The following ADD3 variants were observed in gnomAD, a reference collection of about 807,000 sequenced individuals.
ADD3 encodes adducin 3.
Under a neutral mutation model 80.2 loss-of-function variants are expected in ADD3, and 25 were observed. That is an observed-to-expected ratio of 0.31 (90% CI 0.23 to 0.44). The LOEUF (loss-of-function observed/expected upper bound fraction) is 0.44, where lower values mean the gene tolerates loss of function less well. Ranked by LOEUF, ADD3 falls within the 20% of genes least tolerant of loss-of-function variation. ADD3 has a pLI of 1.00. For synonymous variants in ADD3, 284 were observed against 289.6 expected, an observed-to-expected ratio of 0.98 and a Z score of 0.20; for missense variants, 829 against 847.5, an observed-to-expected ratio of 0.98 and a Z score of 0.27.
chr10:110,036,263 G>A (rs972539070), intron 1 of ADD3, among the ~76,000 whole-genome samples: 1 of 151,834 alleles, frequency 6.6e-6, no homozygotes, highest in African/African-American at 2.4e-5. Flanking sequence ...TTACCATGGA[G>A]TCCAGTTTCA....
In ADD3 at chr10:110,123,870, A is replaced by C. The variant is rs1851817761; in HGVS notation, c.1144-147A>C. 5 of 769,206 alleles carry C rather than the reference A, an allele frequency of 6.5e-6. No individual in the cohort carries two copies. In the East Asian group the frequency reaches 1.3e-4, roughly 20 times the overall value. 47.6% of individuals were successfully genotyped at this position (769,206 alleles called of 1,614,324 possible). A position where few individuals can be genotyped will look rare whatever the true frequency, so the allele number is the denominator to read the frequency against. ...TAATTTCAGCTCCAGTGTTACATGA[A>C]AGTTATGTGGTGTTTGGAAGGATGC... On this transcript the variant is annotated intron_variant, in intron 9 of 14. Transcript: ENST00000356080.
At chr10:110,068,361 A>G (rs1251411495) in intron 1 of ADD3, among the ~76,000 whole-genome samples, 1 of 152,214 alleles carries the variant, frequency 6.6e-6, no homozygotes, top group Non-Finnish European at 1.5e-5. Context: ...TCGCATTCTC[A>G]GATTCAACCA....
chr10:110,126,443 G>A lies in ADD3; in HGVS notation c.1548G>A (p.Leu516=). The stretch of plus-strand genomic sequence containing the variant: ...TTCGGGAACAAAATCGATATGACTT[G>A]AAAACAGCAGGACCACAATCTCAGT... ...NKIREQNRYD[L]KTAGPQSQLL... The change falls in exon 12 of 15, where the codon TTG becomes TTA. Residue 516 remains leucine (L), a synonymous_variant. Transcript: ENST00000356080. The A allele has an allele frequency of 6.2e-7, 1 of 1,613,630 alleles. No individual in the cohort carries two copies. The highest frequency in any genetic ancestry group is 8.5e-7 in the Non-Finnish European group (1 of 1,179,918).
chr10:110,045,830 G>A (rs1419914685), intron 1 of ADD3, among the ~76,000 whole-genome samples: 4 of 152,112 alleles, frequency 2.6e-5, no homozygotes, highest in Admixed American at 6.5e-5. Flanking sequence ...ATTAACTCTC[G>A]TACATACTGT....
chr10:110,027,793 AAC>A (rs1854490911), intron 1 of ADD3, among the ~76,000 whole-genome samples: 1 of 152,240 alleles, frequency 6.6e-6, no homozygotes, highest in Non-Finnish European at 1.5e-5. Context: ...AGAGAAAAAA[AAC>A]ACATTAAACC....
At chr10:110,007,658 CCT>C (rs1851763503), upstream of ADD3, among the ~76,000 whole-genome samples, 1 of 152,184 alleles carries the variant, frequency 6.6e-6, no homozygotes, top group Admixed American at 6.5e-5. Context: ...CGAACCAGGC[CCT>C]CCCGGCTGCC....
chr10:110,131,598 C>T (rs1325477894), intron 13 of ADD3, among the ~76,000 whole-genome samples: 1 of 152,198 alleles, frequency 6.6e-6, no homozygotes, highest in Non-Finnish European at 1.5e-5. Flanking sequence ...ATCCAAGGAA[C>T]AGTTTTTTGT....
intron 5 of ADD3, 39 bp from the exon 6 acceptor site, chr10:110,118,548 G>A (rs200640484): frequency 4.9e-5 from 77 of 1,575,364 alleles, no homozygotes; most frequent in Admixed American, 1.3e-4. Flanking sequence ...ACTTTGATAC[G>A]TATATACCAG....
intron 1 of ADD3, among the ~76,000 whole-genome samples, chr10:110,069,479 A>G (rs962638927): frequency 6.6e-6 from 1 of 152,094 alleles, no homozygotes; most frequent in Non-Finnish European, 1.5e-5. Flanking sequence ...TCATATATCA[A>G]CAGCTTTCTG....
At chr10:110,069,656 A>G (rs1039163662) in intron 1 of ADD3, among the ~76,000 whole-genome samples, 1 of 152,068 alleles carries the variant, frequency 6.6e-6, no homozygotes, top group African/African-American at 2.4e-5. Context: ...CACCTTGACC[A>G]TGAAATTTGT....
chr10:110,130,675 G>A (rs1227434305), intron 13 of ADD3, among the ~76,000 whole-genome samples, 189 bp downstream of exon 13: 4 of 152,124 alleles, frequency 2.6e-5, no homozygotes, highest in African/African-American at 9.7e-5. Flanking sequence ...GGCCAACATG[G>A]TGAAACCCCG....
At chr10:110,100,894 G>A (rs1261485177) in intron 2 of ADD3, 46 bp downstream of exon 2, 2 of 1,512,476 alleles carry the variant, frequency 1.3e-6, no homozygotes, top group African/African-American at 1.4e-5. Flanking sequence ...CTTTGGAAAT[G>A]TTAGTATAAT....
At chr10:110,029,203 T>C (rs1854691503) in intron 1 of ADD3, among the ~76,000 whole-genome samples, 1 of 152,306 alleles carries the variant, frequency 6.6e-6, no homozygotes, top group African/African-American at 2.4e-5. Context: ...TCAAAAGTTT[T>C]ATCACAGTAG....
chr10:110,068,405 G>A (rs1048112540), intron 1 of ADD3, among the ~76,000 whole-genome samples: 1 of 152,128 alleles, frequency 6.6e-6, no homozygotes, highest in Admixed American at 6.5e-5. Context: ...TAAAAATACA[G>A]AATAACTACT....
At chr10:110,045,968 A>G (rs911050645) in intron 1 of ADD3, among the ~76,000 whole-genome samples, 1 of 152,206 alleles carries the variant, frequency 6.6e-6, no homozygotes, top group African/African-American at 2.4e-5. Context: ...TAAATTGTGT[A>G]TTTCAGTAAA....
chr10:110,042,329 G>A (rs760800012), intron 1 of ADD3, among the ~76,000 whole-genome samples: 9 of 152,204 alleles, frequency 5.9e-5, no homozygotes, highest in Admixed American at 1.3e-4. Context: ...GGGTGTCAGC[G>A]AAGGCAGTGG....
intron 1 of ADD3, among the ~76,000 whole-genome samples, chr10:110,021,728 C>T (rs755387510): frequency 1.3e-5 from 2 of 151,962 alleles, no homozygotes; most frequent in Non-Finnish European, 2.9e-5. Flanking sequence ...GGAGTGGCAG[C>T]TTAATGGGTA....
intron 1 of ADD3, among the ~76,000 whole-genome samples, chr10:110,020,131 G>A (rs2133073402): frequency 6.6e-6 from 1 of 152,234 alleles, no homozygotes; most frequent in East Asian, 1.9e-4. Context: ...TTTGTGACCT[G>A]TTTAGCCCTT....
chr10:110,081,667 G>A (rs751690942), intron 1 of ADD3, among the ~76,000 whole-genome samples: 2 of 152,092 alleles, frequency 1.3e-5, no homozygotes, highest in South Asian at 2.1e-4. Flanking sequence ...CTACTAAAAC[G>A]TATCTGATGT....
Sources: gnomAD v4.1 joint callset for allele counts (sites outside exome capture counted in the v4.1 genomes callset) on GRCh38, gnomAD v4.1.1 for gene constraint, MANE v1.5 for transcripts, NCBI Gene and HGNC (gene_info 2026-07-23, HGNC 2026-07-21) for gene names.